The following GRID2 variants were observed in gnomAD, a reference collection of about 807,000 sequenced individuals.
GRID2 encodes glutamate ionotropic receptor delta type subunit 2.
GRID2 carries 33 observed loss-of-function variants against 114.8 expected under a neutral mutation model. The observed-to-expected ratio is 0.29, with a 90% confidence interval of 0.22 to 0.38. The LOEUF is 0.38. Ranked by LOEUF, GRID2 falls within the 10% of genes least tolerant of loss-of-function variation. The pLI, the probability that GRID2 is intolerant of heterozygous loss-of-function variation, is 1.00. For missense variants in GRID2, 1,184 were observed against 1,257.7 expected, an observed-to-expected ratio of 0.94 and a Z score of 0.89; for synonymous variants, 505 against 449.9, an observed-to-expected ratio of 1.12 and a Z score of -1.55.
chr4:92,678,068 T>C (rs547891361), intron 2 of GRID2, among the ~76,000 whole-genome samples: 1 of 152,114 alleles, frequency 6.6e-6, no homozygotes, highest in South Asian at 2.1e-4. Flanking sequence ...GTCCTATAAC[T>C]GTTTGCCCTC....
chr4:92,962,688 C>A (rs1438683829), intron 2 of GRID2, among the ~76,000 whole-genome samples: 1 of 151,892 alleles, frequency 6.6e-6, no homozygotes, highest in Non-Finnish European at 1.5e-5. Flanking sequence ...CTCTAATATT[C>A]ACTGTGGGAA....
intron 8 of GRID2, among the ~76,000 whole-genome samples, chr4:93,271,569 C>G (rs1751461436): frequency 6.6e-6 from 1 of 152,162 alleles, no homozygotes; most frequent in Admixed American, 6.5e-5. Flanking sequence ...GCCTCAATAT[C>G]TAACCAGGGC....
At chr4:92,635,440 T>C (rs1413309004) in intron 2 of GRID2, among the ~76,000 whole-genome samples, 1 of 152,124 alleles carries the variant, frequency 6.6e-6, no homozygotes, top group African/African-American at 2.4e-5. Context: ...TAGGAACATC[T>C]CTTTGTTATT....
At chr4:92,732,051 G>A in intron 2 of GRID2, among the ~76,000 whole-genome samples, 1 of 151,888 alleles carries the variant, frequency 6.6e-6, no homozygotes, top group South Asian at 2.1e-4. Context: ...GATAAAAGAA[G>A]TTGAAATGCT....
chr4:93,614,150 A>G (rs1019364443), intron 13 of GRID2, among the ~76,000 whole-genome samples: 6 of 152,162 alleles, frequency 3.9e-5, no homozygotes, highest in African/African-American at 9.7e-5. Flanking sequence ...AGGTGAGGCA[A>G]TGCCTCGCCC....
rs138333688 is a variant in GRID2, at chr4:92,733,015, A to T, written c.244+142729A>T. On this transcript the variant is annotated intron_variant, in intron 2 of 15. Coordinates refer to ENST00000282020, the MANE Select transcript of GRID2 (RefSeq NM_001510.4). ...GAGATTGGTTTTAAAACAGAAACAG[A>T]TACCCACAAAGAGACTTGAAAGATT... Among the ~76,000 whole-genome samples, 10 of 152,182 alleles carry T rather than the reference A, an allele frequency of 6.6e-5. No individual in the cohort carries two copies. In the East Asian group the frequency reaches 1.7e-3, roughly 26 times the overall value.
At chr4:93,552,553 C>G (rs911112718) in intron 13 of GRID2, among the ~76,000 whole-genome samples, 5 of 152,122 alleles carry the variant, frequency 3.3e-5, no homozygotes, top group Non-Finnish European at 7.4e-5. Context: ...TGTTTCCTGA[C>G]TTTTTAGTGG....
intron 2 of GRID2, among the ~76,000 whole-genome samples, chr4:92,958,613 T>C (rs2149148156): frequency 6.6e-6 from 1 of 152,226 alleles, no homozygotes; most frequent in Admixed American, 6.5e-5. Context: ...CCACAACATA[T>C]ATTGGTGTGT....
chr4:92,841,843 G>A (rs1456594581), intron 2 of GRID2, among the ~76,000 whole-genome samples: 1 of 151,742 alleles, frequency 6.6e-6, no homozygotes, highest in Non-Finnish European at 1.5e-5. Context: ...CTCCTCTTGA[G>A]GGAATACATA....
At chr4:92,885,618 A>G (rs553488786) in intron 2 of GRID2, among the ~76,000 whole-genome samples, 8 of 152,336 alleles carry the variant, frequency 5.3e-5, no homozygotes, top group South Asian at 2.1e-4. Context: ...TTTAAAGAAC[A>G]TGTTCTTACC....
At chr4:93,379,129 G>T (rs1478585564) in intron 8 of GRID2, among the ~76,000 whole-genome samples, 3 of 151,850 alleles carry the variant, frequency 2.0e-5, no homozygotes, top group Non-Finnish European at 4.4e-5. Context: ...CTATGAAAAA[G>T]AATTGTGTTT....
chr4:93,345,782 T>A (rs1430202454), intron 8 of GRID2, among the ~76,000 whole-genome samples: 1 of 152,104 alleles, frequency 6.6e-6, no homozygotes, highest in African/African-American at 2.4e-5. Flanking sequence ...TCAGATCTTA[T>A]GTTTAGGTCT....
chr4:92,752,536 G>A (rs34786120), intron 2 of GRID2, among the ~76,000 whole-genome samples: 2,499 of 152,160 alleles, frequency 0.016, 30 homozygotes, highest in Non-Finnish European at 0.025. Context: ...GTTCATGGGC[G>A]TAGAGAGATA....
intron 8 of GRID2, among the ~76,000 whole-genome samples, chr4:93,239,291 G>GTA (rs1167642258): frequency 6.7e-6 from 1 of 149,180 alleles, no homozygotes; most frequent in Non-Finnish European, 1.5e-5. Context: ...CAAATCATAT[G>GTA]TATATATACA....
intron 2 of GRID2, among the ~76,000 whole-genome samples, chr4:92,771,338 C>T (rs1003226066): frequency 2.6e-5 from 4 of 152,116 alleles, no homozygotes; most frequent in Non-Finnish European, 4.4e-5. Flanking sequence ...ATTGTGCTTG[C>T]CTTACTCTGT....
chr4:92,518,393 C>T (rs749081043), intron 1 of GRID2, among the ~76,000 whole-genome samples: 2 of 151,822 alleles, frequency 1.3e-5, no homozygotes, highest in Non-Finnish European at 2.9e-5. Context: ...TAAGTTAGTG[C>T]ATTTGGTTGA....
At chr4:93,696,936 A>C (rs1727073080) in intron 14 of GRID2, among the ~76,000 whole-genome samples, 1 of 152,224 alleles carries the variant, frequency 6.6e-6, no homozygotes, top group African/African-American at 2.4e-5. Context: ...TCCACATTAT[A>C]GATATTCAAC....
intron 2 of GRID2, among the ~76,000 whole-genome samples, chr4:92,714,534 A>C (rs938435727): frequency 2.6e-5 from 4 of 152,186 alleles, no homozygotes; most frequent in African/African-American, 9.7e-5. Context: ...CCACTGCCCT[A>C]GTAGAGGTTC....
intron 12 of GRID2, among the ~76,000 whole-genome samples, chr4:93,512,470 G>A (rs1238469661): frequency 3.9e-5 from 6 of 152,088 alleles, no homozygotes; most frequent in African/African-American, 1.4e-4. Flanking sequence ...AGCTATTTGT[G>A]TTCACTTCAT....
Sources: gnomAD v4.1 joint callset for allele counts (sites outside exome capture counted in the v4.1 genomes callset) on GRCh38, gnomAD v4.1.1 for gene constraint, MANE v1.5 for transcripts, NCBI Gene and HGNC (gene_info 2026-07-23, HGNC 2026-07-21) for gene names.